Variants in SLC4A4 observed in about 807,000 individuals in gnomAD.
SLC4A4 encodes solute carrier family 4 member 4, also known as electrogenic sodium bicarbonate cotransporter 1.
In SLC4A4, 27 loss-of-function variants were observed where a neutral mutation model predicts 111.5. The observed-to-expected ratio is 0.24, with a 90% CI of 0.18 to 0.33. SLC4A4 has a LOEUF of 0.33. Ranked by LOEUF, SLC4A4 falls within the 10% of genes least tolerant of loss-of-function variation. The pLI is 1.00. For missense variants in SLC4A4, 909 were observed against 1,315.5 expected (o/e 0.69, Z 4.78); for synonymous variants, 443 against 463.4 (o/e 0.96, Z 0.57).
At chr4:71,231,451 T>C (rs945637451) in intron 1 of SLC4A4, among the ~76,000 whole-genome samples, 3 of 152,236 alleles carry the variant, frequency 2.0e-5, no homozygotes, top group Admixed American at 1.3e-4. Flanking sequence ...GCCGGTCCTT[T>C]TGGCAGTAGA....
At chr4:71,273,402 TGAG>T (rs1353775543) in intron 3 of SLC4A4, among the ~76,000 whole-genome samples, 4 of 152,314 alleles carry the variant, frequency 2.6e-5, no homozygotes, top group South Asian at 2.1e-4. Context: ...TGCTTAGTTA[TGAG>T]GAGACCATTC....
intron 7 of SLC4A4, among the ~76,000 whole-genome samples, chr4:71,400,636 G>C (rs542328501): frequency 6.6e-6 from 1 of 152,202 alleles, no homozygotes; most frequent in East Asian, 1.9e-4. Context: ...TTGAAGAGAG[G>C]CTTTTGTAAC....
chr4:71,128,644 G>A (rs769156776), intron 2 of SLC4A4, among the ~76,000 whole-genome samples: 1 of 151,970 alleles, frequency 6.6e-6, no homozygotes, highest in Non-Finnish European at 1.5e-5. Flanking sequence ...GTGAACCACC[G>A]TGCCAAGCTA....
At chr4:71,313,674 A>T (rs368784510) in intron 3 of SLC4A4, among the ~76,000 whole-genome samples, 4 of 152,220 alleles carry the variant, frequency 2.6e-5, no homozygotes, top group South Asian at 4.1e-4. Context: ...TGGGGAAAGG[A>T]TTCCCTATTT....
chr4:71,459,931 T>A (rs1429224465), intron 12 of SLC4A4, among the ~76,000 whole-genome samples: 1 of 152,018 alleles, frequency 6.6e-6, no homozygotes, highest in Non-Finnish European at 1.5e-5. Context: ...TGAGGGTGAA[T>A]CTCCTTTTAC....
intron 18 of SLC4A4, among the ~76,000 whole-genome samples, chr4:71,534,698 C>A (rs1734257836): frequency 6.6e-6 from 1 of 152,070 alleles, no homozygotes; most frequent in South Asian, 2.1e-4. Context: ...AGTAACTATC[C>A]TCAATAAAGA....
In SLC4A4 at chr4:71,567,968, A is replaced by G. The variant is rs182103477; in HGVS notation, c.*217A>G. ...TTGTTTGGCTGTTTGTTTATTTTTT[A>G]ACTTTTATTTCGTCTCAGTTTTTGG... On this transcript the variant is annotated 3_prime_UTR_variant, in exon 26 of 26. Coordinates refer to ENST00000264485, the MANE Select transcript of SLC4A4 (RefSeq NM_001098484.3). 4.8e-4 allele frequency: 452 copies of G among 934,682 alleles called. 1 individual carries two copies. The highest frequency in any genetic ancestry group is 7.0e-4 in the Non-Finnish European group (426 of 607,056). 57.9% of individuals were successfully genotyped at this position (934,682 alleles called of 1,614,324 possible). A position where few individuals can be genotyped will look rare whatever the true frequency, so the allele number is the denominator to read the frequency against.
chr4:71,365,223 G>T lies in SLC4A4; in HGVS notation c.730+8036G>T, dbSNP rs73826297. 7.9e-3 allele frequency among the ~76,000 whole-genome samples: 1,204 copies of T among 152,306 alleles called. 17 individuals are homozygous for T. The highest frequency in any genetic ancestry group is 0.026 in the African/African-American group (1,065 of 41,544). The stretch of plus-strand genomic sequence containing the variant: ...TCTCTTTGCGTTTATGCTACCACAT[G>T]TGAGTGCTTTTTTCTTCATTCCCCT... On this transcript the variant is annotated intron_variant, in intron 6 of 25. Coordinates refer to ENST00000264485, the MANE Select transcript of SLC4A4 (RefSeq NM_001098484.3).
intron 16 of SLC4A4, among the ~76,000 whole-genome samples, chr4:71,531,811 A>G (rs1733951652): frequency 1.3e-5 from 2 of 150,466 alleles, no homozygotes; most frequent in Non-Finnish European, 1.5e-5. Flanking sequence ...ACACAGAAAG[A>G]GAGAGAGAGA....
At chr4:71,198,230 A>C (rs1336301386) in intron 1 of SLC4A4, among the ~76,000 whole-genome samples, 1 of 152,232 alleles carries the variant, frequency 6.6e-6, no homozygotes, top group Non-Finnish European at 1.5e-5. Context: ...ATATATTGAG[A>C]CGTTTTAGAA....
At chr4:71,115,012 A>T (rs916851964) in intron 2 of SLC4A4, among the ~76,000 whole-genome samples, 2 of 139,582 alleles carry the variant, frequency 1.4e-5, no homozygotes, top group African/African-American at 5.5e-5. Flanking sequence ...AGCCATAAAA[A>T]ATGATGAGTT....
chr4:71,190,268 A>G (rs530447594), intron 1 of SLC4A4, among the ~76,000 whole-genome samples: 1 of 152,268 alleles, frequency 6.6e-6, no homozygotes, highest in South Asian at 2.1e-4. Context: ...AATGGAAAAT[A>G]TGCTGCTGTT....
chr4:71,121,383 C>T (rs1301447612), intron 2 of SLC4A4, among the ~76,000 whole-genome samples: 2 of 152,224 alleles, frequency 1.3e-5, no homozygotes, highest in Non-Finnish European at 2.9e-5. Flanking sequence ...TGGCGGGCAG[C>T]TCCGCCCGCG....
intron 14 of SLC4A4, among the ~76,000 whole-genome samples, chr4:71,483,826 C>T (rs553045478): frequency 6.6e-6 from 1 of 152,012 alleles, no homozygotes; most frequent in South Asian, 2.1e-4. Flanking sequence ...TACAACCTCA[C>T]CAGCATCTGT....
At chr4:71,386,157 T>C (rs1286016875) in intron 6 of SLC4A4, among the ~76,000 whole-genome samples, 1 of 152,168 alleles carries the variant, frequency 6.6e-6, no homozygotes, top group Non-Finnish European at 1.5e-5. Flanking sequence ...CATTCTGTTT[T>C]GCTTAAGAGA....
chr4:71,558,066 G>A (rs13112697), intron 22 of SLC4A4, among the ~76,000 whole-genome samples, 181 bp downstream of exon 22: 2 of 151,890 alleles, frequency 1.3e-5, no homozygotes, highest in African/African-American at 2.4e-5. Context: ...ATGGACCTTA[G>A]AATCAGGCTC....
At chr4:71,229,374 G>A (rs911770665) in intron 1 of SLC4A4, among the ~76,000 whole-genome samples, 2 of 152,154 alleles carry the variant, frequency 1.3e-5, no homozygotes, top group African/African-American at 4.8e-5. Flanking sequence ...TCATGTACAG[G>A]TTTTTGGGTG....
At chr4:71,322,596 G>A (rs967216647) in intron 3 of SLC4A4, among the ~76,000 whole-genome samples, 3 of 151,898 alleles carry the variant, frequency 2.0e-5, no homozygotes, top group Non-Finnish European at 4.4e-5. Context: ...TCTGATAATT[G>A]GTCCAAGTTG....
chr4:71,172,239 T>C (rs894085584), intron 2 of SLC4A4, among the ~76,000 whole-genome samples: 13 of 151,990 alleles, frequency 8.6e-5, no homozygotes, highest in African/African-American at 1.9e-4. Flanking sequence ...TATTCTAGCA[T>C]AGATATTTTC....
Sources: allele counts gnomAD v4.1 joint callset (sites outside exome capture counted in the v4.1 genomes callset), GRCh38; gene constraint gnomAD v4.1.1; transcripts MANE v1.5; gene names NCBI Gene and HGNC (gene_info 2026-07-23, HGNC 2026-07-21).